The following COL11A1 variants were observed in gnomAD, a reference collection of about 807,000 sequenced individuals.
COL11A1 encodes collagen type XI alpha 1 chain.
A neutral mutation model predicts 265.2 loss-of-function variants in COL11A1; 74 were observed. That is an observed-to-expected ratio of 0.28 (90% confidence interval 0.23 to 0.34). COL11A1 has a LOEUF of 0.34. Among genes scored for constraint, COL11A1 ranks in the 10% least tolerant of loss-of-function variants. COL11A1 has a pLI of 1.00. For missense variants in COL11A1, 2,165 were observed against 2,263.6 expected (o/e 0.96, Z 0.88); for synonymous variants, 816 against 727.6 (o/e 1.12, Z -1.96).
At chr1:103,059,789 G>C (rs150792699) in intron 4 of COL11A1, among the ~76,000 whole-genome samples, 109 of 152,214 alleles carry the variant, frequency 7.2e-4, no homozygotes, top group Non-Finnish European at 1.3e-3. Flanking sequence ...ATCTGAGTTT[G>C]AGGAGGTGAT....
At chr1:102,897,216 G>C (rs1036561102) in intron 57 of COL11A1, among the ~76,000 whole-genome samples, 2 of 151,898 alleles carry the variant, frequency 1.3e-5, no homozygotes, top group South Asian at 4.2e-4. Context: ...AATGAACTGT[G>C]AATCCCAGTT....
At chr1:103,006,009 A>C in intron 17 of COL11A1, 59 bp downstream of exon 17, 1 of 1,611,444 alleles carries the variant, frequency 6.2e-7, no homozygotes, top group Non-Finnish European at 8.5e-7. Flanking sequence ...TTTTAAATAT[A>C]AAATTTTCCA....
At chr1:103,028,861 A>G (rs1667764287) in intron 5 of COL11A1, among the ~76,000 whole-genome samples, 2 of 152,140 alleles carry the variant, frequency 1.3e-5, no homozygotes, top group Admixed American at 1.3e-4. Flanking sequence ...AAAGAATATC[A>G]AAAGGAATCA....
chr1:102,905,140 G>A (rs1318659294), intron 54 of COL11A1, among the ~76,000 whole-genome samples: 6 of 146,276 alleles, frequency 4.1e-5, no homozygotes, highest in East Asian at 2.1e-4. Context: ...ACCAAACACC[G>A]CATGTTCTCA....
chr1:103,014,872 C>A (rs778347325), intron 12 of COL11A1, among the ~76,000 whole-genome samples: 3 of 151,966 alleles, frequency 2.0e-5, no homozygotes, highest in African/African-American at 7.2e-5. Flanking sequence ...CTGGAATAAA[C>A]CATTGTGACT....
intron 4 of COL11A1, among the ~76,000 whole-genome samples, chr1:103,046,644 C>A (rs1669295435): frequency 6.6e-6 from 1 of 150,956 alleles, no homozygotes; most frequent in East Asian, 2.0e-4. Context: ...CTTTTGTTGC[C>A]ATTGCTTTTG....
chr1:102,966,808 A>T (rs1039247395), intron 37 of COL11A1, among the ~76,000 whole-genome samples: 6 of 151,774 alleles, frequency 4.0e-5, no homozygotes, highest in African/African-American at 1.5e-4. Flanking sequence ...ATGCTGATGA[A>T]CTCCTCCATT....
At chr1:103,005,168 T>C (rs537668629) in intron 18 of COL11A1, among the ~76,000 whole-genome samples, 41 of 152,256 alleles carry the variant, frequency 2.7e-4, no homozygotes, top group African/African-American at 9.6e-4. Context: ...CAGACATTCA[T>C]AGGGTTTTCT....
chr1:103,005,574 T>A (rs1187705718), intron 18 of COL11A1, among the ~76,000 whole-genome samples: 1 of 152,178 alleles, frequency 6.6e-6, no homozygotes, highest in Non-Finnish European at 1.5e-5. Context: ...TTATGTGATA[T>A]TTTCCAGGTA....
At chr1:102,927,713 C>A (rs1431046943) in intron 46 of COL11A1, among the ~76,000 whole-genome samples, 2 of 151,786 alleles carry the variant, frequency 1.3e-5, no homozygotes. Context: ...TTTAAGAGTC[C>A]AATTGTAAGA....
chr1:103,034,647 T>C (rs547793210), intron 4 of COL11A1, among the ~76,000 whole-genome samples: 2 of 152,098 alleles, frequency 1.3e-5, no homozygotes, highest in Non-Finnish European at 2.9e-5. Flanking sequence ...TAACCATAAT[T>C]GTTCATTTAA....
At chr1:103,098,804 T>C in intron 1 of COL11A1, among the ~76,000 whole-genome samples, 1 of 151,802 alleles carries the variant, frequency 6.6e-6, no homozygotes, top group South Asian at 2.1e-4. Context: ...GGAGACAATA[T>C]CTAAATCTCA....
chr1:102,981,232 G>A (rs1041476098), intron 31 of COL11A1, among the ~76,000 whole-genome samples: 5 of 152,106 alleles, frequency 3.3e-5, no homozygotes, highest in South Asian at 4.1e-4. Context: ...TAATATTCAC[G>A]TACTGGGGAA....
chr1:102,962,145 C>A, intron 40 of COL11A1, 31 bp downstream of exon 40: 1 of 1,534,222 alleles, frequency 6.5e-7, no homozygotes, highest in South Asian at 1.1e-5. Flanking sequence ...ATTGGAATCA[C>A]TTGCTTTATC....
At chr1:103,002,563 T>A in intron 22 of COL11A1, 82 bp from the exon 23 acceptor site, 1 of 1,250,022 alleles carries the variant, frequency 8.0e-7, no homozygotes, top group Non-Finnish European at 1.1e-6. Context: ...AAAATACCTC[T>A]ACCCACCCTC....
intron 4 of COL11A1, among the ~76,000 whole-genome samples, chr1:103,058,689 G>A (rs1670422548): frequency 6.6e-6 from 1 of 152,148 alleles, no homozygotes. Flanking sequence ...AGAGCCTCAA[G>A]GAGGAGAGAA....
chr1:102,929,710 C>T (rs1485840758), intron 46 of COL11A1, among the ~76,000 whole-genome samples: 1 of 151,884 alleles, frequency 6.6e-6, no homozygotes, highest in Non-Finnish European at 1.5e-5. Context: ...GATATTGATT[C>T]TTCCTACCCA....
chr1:102,934,130 A>G (rs1185170164), intron 46 of COL11A1, among the ~76,000 whole-genome samples: 1 of 152,172 alleles, frequency 6.6e-6, no homozygotes, highest in Non-Finnish European at 1.5e-5. Flanking sequence ...ACTTTTAAGT[A>G]TCAGACTTAG....
At chr1:103,005,935 A>G (rs762464832) in intron 17 of COL11A1, 44 bp from the exon 18 acceptor site, 9 of 1,612,356 alleles carry the variant, frequency 5.6e-6, no homozygotes, top group Non-Finnish European at 6.8e-6. Context: ...CATCATCACA[A>G]TTCCAGTCTA....
Sources: gnomAD v4.1 joint callset for allele counts (sites outside exome capture counted in the v4.1 genomes callset) on GRCh38, gnomAD v4.1.1 for gene constraint, MANE v1.5 for transcripts, NCBI Gene and HGNC (gene_info 2026-07-23, HGNC 2026-07-21) for gene names.